The following TOX3 variants were observed in gnomAD, a reference collection of about 807,000 sequenced individuals.
The protein encoded by TOX3 is CAG trinucleotide repeat-containing gene F9 protein.
A neutral mutation model predicts 64.3 loss-of-function variants in TOX3; 22 were observed. The ratio of observed to expected loss-of-function variants is 0.34; its 90% confidence interval spans 0.24 to 0.49. TOX3 has a LOEUF of 0.49. Among genes scored for constraint, TOX3 ranks in the 20% least tolerant of loss-of-function variants. The pLI is 0.99. For synonymous variants in TOX3, 291 were observed against 273.6 expected (o/e 1.06, Z -0.63); for missense variants, 661 against 714.4 (o/e 0.93, Z 0.85).
In TOX3 at chr16:52,439,875, G is replaced by A; in HGVS notation, c.1081C>T (p.Pro361Ser). ...NLTSSLLLNT[P>S]LSQHGTVSAS... ...GACACTGTTCCATGTTGAGACAGTG[G>A]AGTGTTGAGAAGGAGAGAGGATGTT... The change falls in exon 7 of 7, where the codon CCA (proline) becomes TCA (serine). Residue 361 changes from proline (P) to serine (S), a missense_variant. Physicochemically the swap from Pro to Ser is moderately conservative, Grantham distance 74. Coordinates refer to ENST00000219746, the MANE Select transcript of TOX3 (RefSeq NM_001080430.4). 1 of 1,613,870 alleles carries A rather than the reference G, an allele frequency of 6.2e-7. No individual in the cohort carries two copies. The highest frequency in any genetic ancestry group is 8.5e-7 in the Non-Finnish European group (1 of 1,179,830).
chr16:52,516,392 C>T (rs1403938423), intron 1 of TOX3, among the ~76,000 whole-genome samples: 1 of 152,088 alleles, frequency 6.6e-6, no homozygotes, highest in Non-Finnish European at 1.5e-5. Flanking sequence ...TCATCAGTTA[C>T]ATGCATTTAG....
At chr16:52,492,370 C>T (rs1961711144) in intron 1 of TOX3, among the ~76,000 whole-genome samples, 2 of 145,074 alleles carry the variant, frequency 1.4e-5, no homozygotes, top group Admixed American at 7.0e-5. Context: ...AGAATTTACT[C>T]TCACCTCCAT....
chr16:52,532,261 C>T (rs570069045), intron 1 of TOX3, among the ~76,000 whole-genome samples: 4 of 152,326 alleles, frequency 2.6e-5, no homozygotes, highest in South Asian at 4.1e-4. Flanking sequence ...ATGGATTCTG[C>T]GTCCTCTCCC....
chr16:52,476,553 C>A (rs771604960), intron 1 of TOX3, among the ~76,000 whole-genome samples: 1 of 151,724 alleles, frequency 6.6e-6, no homozygotes, highest in African/African-American at 2.4e-5. Flanking sequence ...GCCAAGCAAC[C>A]AATCATCACC....
At chr16:52,494,515 C>G (rs1291523142) in intron 1 of TOX3, among the ~76,000 whole-genome samples, 1 of 152,204 alleles carries the variant, frequency 6.6e-6, no homozygotes, top group Non-Finnish European at 1.5e-5. Context: ...GATATTCTAA[C>G]TGAGCCACCA....
intron 6 of TOX3, among the ~76,000 whole-genome samples, chr16:52,441,462 A>G (rs1037737949): frequency 6.6e-5 from 10 of 152,226 alleles, no homozygotes; most frequent in African/African-American, 2.4e-4. Flanking sequence ...CTGAACATAG[A>G]GAGAAACTAT....
At chr16:52,495,692 C>T (rs533490299) in intron 1 of TOX3, among the ~76,000 whole-genome samples, 2 of 152,194 alleles carry the variant, frequency 1.3e-5, no homozygotes, top group Non-Finnish European at 2.9e-5. Flanking sequence ...TAACACACAA[C>T]TCATGCCTTT....
chr16:52,497,534 T>C (rs1166762616), intron 1 of TOX3, among the ~76,000 whole-genome samples: 4 of 152,220 alleles, frequency 2.6e-5, no homozygotes, highest in Admixed American at 2.6e-4. Flanking sequence ...ATTGGGAGCC[T>C]TCCAGAAATA....
intron 1 of TOX3, chr16:52,519,550 A>C: frequency 1.3e-6 from 2 of 1,505,806 alleles, no homozygotes; most frequent in Non-Finnish European, 8.9e-7. Flanking sequence ...CCTCTGCTGG[A>C]TGGGGTTCAG....
intron 1 of TOX3, among the ~76,000 whole-genome samples, chr16:52,486,037 C>T (rs1381721721): frequency 6.6e-6 from 1 of 152,118 alleles, no homozygotes. Context: ...GGTTGAGGTG[C>T]CAAGAGATGT....
intron 6 of TOX3, among the ~76,000 whole-genome samples, chr16:52,442,580 A>T (rs1336858752): frequency 6.6e-6 from 1 of 152,194 alleles, no homozygotes; most frequent in African/African-American, 2.4e-5. Flanking sequence ...AAACTGTGGG[A>T]TCCAAAACAG....
intron 1 of TOX3, among the ~76,000 whole-genome samples, chr16:52,496,951 C>A (rs796773720): frequency 2.6e-5 from 4 of 151,600 alleles, no homozygotes; most frequent in African/African-American, 9.7e-5. Flanking sequence ...AAAAACAAAA[C>A]CCCTGCAATC....
chr16:52,455,160 A>G (rs1960478569), intron 3 of TOX3, among the ~76,000 whole-genome samples: 1 of 152,040 alleles, frequency 6.6e-6, no homozygotes, highest in Non-Finnish European at 1.5e-5. Context: ...TCCTTTATAT[A>G]GTTTCCTAAA....
intron 1 of TOX3, among the ~76,000 whole-genome samples, chr16:52,487,874 G>T (rs1961572922): frequency 6.6e-6 from 1 of 152,178 alleles, no homozygotes; most frequent in Non-Finnish European, 1.5e-5. Flanking sequence ...GTGAATTTAA[G>T]TCTGTGATTT....
chr16:52,541,462 C>G (rs1046265531), intron 1 of TOX3, among the ~76,000 whole-genome samples: 2 of 152,180 alleles, frequency 1.3e-5, no homozygotes, highest in Admixed American at 6.5e-5. Flanking sequence ...ACAGGCACAT[C>G]TGAAGGACAC....
chr16:52,446,516 A>G (rs905976975), intron 4 of TOX3, among the ~76,000 whole-genome samples: 1 of 152,186 alleles, frequency 6.6e-6, no homozygotes, highest in Non-Finnish European at 1.5e-5. Flanking sequence ...GCAATGCTAT[A>G]TATATGCTAT....
rs539841694 is a variant in TOX3 at position 52,494,491 on chromosome 16, T to A, written c.88-25917A>T. On this transcript the variant is annotated intron_variant, in intron 1 of 6. Coordinates refer to ENST00000219746, the MANE Select transcript of TOX3 (RefSeq NM_001080430.4). The stretch of plus-strand genomic sequence containing the variant: ...TCATTATACATGGTGGGTTTATGTG[T>A]TAACAGCTGTTACGATATTCTAACT... Among the ~76,000 whole-genome samples, 3 of 152,358 alleles carry A rather than the reference T, an allele frequency of 2.0e-5. No individual in the cohort carries two copies. The South Asian group carries it at 6.2e-4, about 32-fold the overall frequency.
At chr16:52,544,555 A>G (rs1241110430) in intron 1 of TOX3, among the ~76,000 whole-genome samples, 1 of 152,230 alleles carries the variant, frequency 6.6e-6, no homozygotes, top group Non-Finnish European at 1.5e-5. Context: ...ACTGATGACG[A>G]TCAGATTGCT....
At chr16:52,458,121 TC>T (rs966689376) in intron 3 of TOX3, among the ~76,000 whole-genome samples, 2 of 152,252 alleles carry the variant, frequency 1.3e-5, no homozygotes, top group African/African-American at 4.8e-5. Flanking sequence ...TCAAGCCCCC[TC>T]CCCTCCATTT....
Sources: gnomAD v4.1 joint callset for allele counts (sites outside exome capture counted in the v4.1 genomes callset) on GRCh38, gnomAD v4.1.1 for gene constraint, MANE v1.5 for transcripts, NCBI Gene and HGNC (gene_info 2026-07-23, HGNC 2026-07-21) for gene names.